The following NPTN variants were observed in gnomAD, a reference collection of about 807,000 sequenced individuals.
NPTN encodes the protein neuroplastin, also known as SDR-1.
A neutral mutation model predicts 42.7 loss-of-function variants in NPTN; 5 were observed. The observed-to-expected ratio is 0.12, with a 90% CI of 0.06 to 0.25. NPTN has a LOEUF of 0.25. Among genes scored for constraint, NPTN ranks in the 10% least tolerant of loss-of-function variants. NPTN has a pLI of 1.00. For synonymous variants in NPTN, 180 were observed against 201.9 expected (o/e 0.89, Z 0.92); for missense variants, 307 against 525.4 (o/e 0.58, Z 4.06).
chr15:73,562,559 A>T (rs1894740413), intron 7 of NPTN, among the ~76,000 whole-genome samples: 1 of 152,156 alleles, frequency 6.6e-6, no homozygotes, highest in African/African-American at 2.4e-5. Flanking sequence ...GTACTTAACA[A>T]ATTTGGGTGC....
chr15:73,569,218 T>C lies in NPTN; in HGVS notation c.1114+932A>G, dbSNP rs1005871416. Reference sequence around the variant, plus strand: ...TCTGTACGCCGGTCATGTTATAGGGTGGGGATGGGGAGCCAGCTGGGAACC... The same window carrying C: ...TCTGTACGCCGGTCATGTTATAGGGCGGGGATGGGGAGCCAGCTGGGAACC... On this transcript the variant is annotated intron_variant, in intron 6 of 8. Transcript: ENST00000345330. This position sits in a 1 kb window ranked among gnomAD's most constrained non-coding sequence, Gnocchi z 4.1. 1 of 985,286 alleles carries C rather than the reference T, an allele frequency of 1.0e-6. No homozygotes were observed. The highest frequency in any genetic ancestry group is 1.2e-6 in the Non-Finnish European group (1 of 829,982). 61.0% of individuals were successfully genotyped at this position (985,286 alleles called of 1,614,324 possible). A position where few individuals can be genotyped will look rare whatever the true frequency, so the allele number is the denominator to read the frequency against.
intron 4 of NPTN, among the ~76,000 whole-genome samples, chr15:73,584,598 G>A (rs920478085): frequency 6.6e-6 from 1 of 151,968 alleles, no homozygotes; most frequent in Non-Finnish European, 1.5e-5. Flanking sequence ...ATCCCAGGGA[G>A]GTGGGGCTTT....
intron 6 of NPTN, chr15:73,567,755 C>CA: frequency 2.0e-6 from 2 of 985,368 alleles, no homozygotes; most frequent in Non-Finnish European, 2.4e-6. Context: ...GGAGCAAGGG[C>CA]AGGGTGTGAA....
In NPTN at chr15:73,582,868, C is replaced by T. The variant is rs114177486; in HGVS notation, c.706+4656G>A. On this transcript the variant is annotated intron_variant, in intron 4 of 8. Transcript: ENST00000345330. ...TAACCAACCTCTCCCAGCCTACATC[C>T]TTCTCCCGTGCTGGATGCTTCCTGC... Among the ~76,000 whole-genome samples, 887 of 152,304 alleles carry T rather than the reference C, an allele frequency of 5.8e-3. 6 individuals are homozygous for T. Among genetic ancestry groups the T allele is most frequent in the African/African-American group, 0.02 (845 of 41,566 alleles).
At chr15:73,617,572 T>A (rs373154331) in intron 1 of NPTN, among the ~76,000 whole-genome samples, 1 of 152,198 alleles carries the variant, frequency 6.6e-6, no homozygotes, top group East Asian at 1.9e-4. Context: ...TACCTCAGGC[T>A]CACCTACTAC....
chr15:73,572,372 A>G (rs975643631), intron 5 of NPTN, among the ~76,000 whole-genome samples: 1 of 152,236 alleles, frequency 6.6e-6, no homozygotes, highest in Admixed American at 6.5e-5. Flanking sequence ...TAATGGGTCA[A>G]CAATCATAAT....
chr15:73,592,631 C>T (rs1458004910), intron 2 of NPTN, among the ~76,000 whole-genome samples: 1 of 152,052 alleles, frequency 6.6e-6, no homozygotes, highest in Non-Finnish European at 1.5e-5. Flanking sequence ...CTATGGCAAA[C>T]CATAGGCCAT....
chr15:73,567,477 T>C (rs1895097413), intron 6 of NPTN: 1 of 985,370 alleles, frequency 1.0e-6, no homozygotes, highest in Non-Finnish European at 1.2e-6. Context: ...TGTACGTATA[T>C]ATCTATATGA....
intron 1 of NPTN, among the ~76,000 whole-genome samples, chr15:73,616,952 C>G (rs1174609089): frequency 6.6e-6 from 1 of 152,194 alleles, no homozygotes; most frequent in East Asian, 1.9e-4. Context: ...TTTAATGAAG[C>G]TTTTCCCTGC....
intron 6 of NPTN, chr15:73,567,796 T>C (rs889399702): frequency 2.0e-6 from 2 of 985,288 alleles, no homozygotes; most frequent in Non-Finnish European, 2.4e-6. Context: ...CCACACTGGC[T>C]GTCAGGAAGG....
chr15:73,564,875 C>T (rs532588421), intron 6 of NPTN, among the ~76,000 whole-genome samples: 1 of 152,064 alleles, frequency 6.6e-6, no homozygotes, highest in Non-Finnish European at 1.5e-5. Flanking sequence ...GCAAGAGAGC[C>T]GAATCAAGAA....
intron 1 of NPTN, among the ~76,000 whole-genome samples, chr15:73,616,312 C>G (rs534106227): frequency 1.4e-4 from 22 of 152,244 alleles, no homozygotes; most frequent in Non-Finnish European, 3.1e-4. Flanking sequence ...TCCACAGACC[C>G]TAAAGATTCT....
chr15:73,567,432 A>T, intron 6 of NPTN: 1 of 985,428 alleles, frequency 1.0e-6, no homozygotes, highest in Non-Finnish European at 1.2e-6. Context: ...GTTTGTGTCA[A>T]ATATAATGTA....
rs1401452094 is a variant in NPTN at position 73,568,695 on chromosome 15, A to G, written c.1114+1455T>C. The G allele has an allele frequency of 7.1e-5, 70 of 985,400 alleles. 1 individual carries two copies. The highest frequency in any genetic ancestry group is 1.3e-5 in the Non-Finnish European group (11 of 829,998). The allele number at this position is 985,400 out of a possible 1,614,324, so 61.0% of individuals were successfully genotyped here. A position where few individuals can be genotyped will look rare whatever the true frequency, so the allele number is the denominator to read the frequency against. ...TGGGGACACTCCCAGGTTGCAGGAA[A>G]CTAGAGATTCATTTGCAGAGGCCGT... is the stretch of plus-strand genomic sequence containing the variant. On this transcript the variant is annotated intron_variant, in intron 6 of 8. Transcript: ENST00000345330.
chr15:73,618,834 C>CAAACA (rs762668811), intron 1 of NPTN, among the ~76,000 whole-genome samples: 3 of 151,858 alleles, frequency 2.0e-5, no homozygotes, highest in Non-Finnish European at 4.4e-5. Flanking sequence ...GATCCTGTCT[C>CAAACA]AAACAAAACA....
At chr15:73,589,180 A>C (rs1171737277) in intron 3 of NPTN, among the ~76,000 whole-genome samples, 1 of 152,026 alleles carries the variant, frequency 6.6e-6, no homozygotes, top group Non-Finnish European at 1.5e-5. Context: ...AGAAATAAAA[A>C]AATTAGCTGG....
At chr15:73,561,127 C>CTT (rs1319889494) in intron 8 of NPTN, 79 bp from the exon 9 acceptor site, 3 of 152,288 alleles carry the variant, frequency 2.0e-5, no homozygotes, top group Non-Finnish European at 4.4e-5. Context: ...CCACACAAAA[C>CTT]TTTGGTTCAA....
intron 1 of NPTN, among the ~76,000 whole-genome samples, chr15:73,612,420 CAA>C (rs35226980): frequency 1.7e-3 from 200 of 119,984 alleles, no homozygotes; most frequent in African/African-American, 2.0e-3. Flanking sequence ...ATCCTGTCTC[CAA>C]AAAAAAAAAA....
chr15:73,571,918 CACAT>C (rs2141362358), intron 5 of NPTN, among the ~76,000 whole-genome samples: 1 of 152,314 alleles, frequency 6.6e-6, no homozygotes, highest in African/African-American at 2.4e-5. Flanking sequence ...CAGATTAAAA[CACAT>C]ACTGCGTTAA....
Sources: allele counts gnomAD v4.1 joint callset (sites outside exome capture counted in the v4.1 genomes callset), GRCh38; gene constraint gnomAD v4.1.1; non-coding constraint Gnocchi (gnomAD v3.1); transcripts MANE v1.5; gene names NCBI Gene and HGNC (gene_info 2026-07-23, HGNC 2026-07-21).